Variants in RAB27A observed in about 807,000 individuals in gnomAD.
RAB27A encodes RAB27A, member RAS oncogene family.
In RAB27A, 17 loss-of-function variants were observed where a neutral mutation model predicts 20.8. The observed-to-expected ratio is 0.82, with a 90% CI of 0.56 to 1.23. The LOEUF (loss-of-function observed/expected upper bound fraction) is 1.23. Ranked by LOEUF, RAB27A falls within the 50% of genes most tolerant of loss-of-function variation. RAB27A has a pLI of 0.00. For synonymous variants in RAB27A, 85 were observed against 92.8 expected, an observed-to-expected ratio of 0.92 and a Z score of 0.48; for missense variants, 277 against 266.7, an observed-to-expected ratio of 1.04 and a Z score of -0.27.
Position 55,255,094 on chromosome 15 carries a change from G to A in RAB27A, c.-23+15071C>T, listed in dbSNP as rs189787352. ...CTTCACTTCTGACTGCCAGGGCTCA[G>A]GGCTGAGGTCCTATTGACTGCACAT... On this transcript the variant is annotated intron_variant, in intron 2 of 6. Coordinates refer to ENST00000336787, the MANE Select transcript of RAB27A (RefSeq NM_183235.3). Among the ~76,000 whole-genome samples, 151 of 152,298 alleles carry A rather than the reference G, an allele frequency of 9.9e-4. 1 individual carries two copies. Among genetic ancestry groups the A allele is most frequent in the African/African-American group, 3.5e-3 (146 of 41,562 alleles).
At chr15:55,212,178 T>A (rs1895060103) in intron 6 of RAB27A, among the ~76,000 whole-genome samples, 1 of 152,176 alleles carries the variant, frequency 6.6e-6, no homozygotes, top group Non-Finnish European at 1.5e-5. Context: ...TGTATTCAGG[T>A]ACACAATATT....
intron 2 of RAB27A, among the ~76,000 whole-genome samples, chr15:55,306,283 G>A (rs2054996599): frequency 1.3e-5 from 2 of 152,164 alleles, no homozygotes; most frequent in South Asian, 4.1e-4. Flanking sequence ...CAGGTACAGG[G>A]ATTGAAATGT....
chr15:55,261,130 C>T (rs377412317), intron 2 of RAB27A, among the ~76,000 whole-genome samples: 33 of 152,018 alleles, frequency 2.2e-4, no homozygotes, highest in African/African-American at 8.0e-4. Flanking sequence ...CATGGTGGCT[C>T]ATGGTGGCCT....
At chr15:55,227,130 C>T (rs1328258153) in intron 5 of RAB27A, among the ~76,000 whole-genome samples, 1 of 152,044 alleles carries the variant, frequency 6.6e-6, no homozygotes, top group Non-Finnish European at 1.5e-5. Flanking sequence ...CTTTTACTCT[C>T]TAAGGAAAAC....
chr15:55,267,168 G>C (rs1177396684), intron 2 of RAB27A, among the ~76,000 whole-genome samples: 1 of 152,146 alleles, frequency 6.6e-6, no homozygotes, highest in Non-Finnish European at 1.5e-5. Flanking sequence ...TTCACTGTTT[G>C]CTGGATGAAT....
chr15:55,304,482 GAAAA>G (rs71437808), intron 2 of RAB27A, among the ~76,000 whole-genome samples: 46 of 148,852 alleles, frequency 3.1e-4, no homozygotes, highest in Non-Finnish European at 5.1e-4. Flanking sequence ...TTAAAAAAAA[GAAAA>G]AAAAAAGTCA....
chr15:55,205,181 C>A lies in RAB27A; in HGVS notation c.*326G>T. The A allele has an allele frequency of 2.7e-6, 1 of 370,900 alleles. No individual in the cohort carries two copies. The highest frequency in any genetic ancestry group is 2.4e-5 in the South Asian group (1 of 41,904). The allele number at this position is 370,900 out of a possible 1,614,324, so 23.0% of individuals were successfully genotyped here. ...CCTACATTAAGGCAGGTGACAGTAC[C>A]CTCATTCATTCTACATAATAAATAC... On this transcript the variant is annotated 3_prime_UTR_variant, in exon 7 of 7. Transcript: ENST00000336787.
intron 2 of RAB27A, among the ~76,000 whole-genome samples, chr15:55,241,655 T>C (rs1216339051): frequency 1.4e-5 from 2 of 140,128 alleles, no homozygotes; most frequent in Admixed American, 1.4e-4. Flanking sequence ...TTTTTTTTTA[T>C]AAATTAGGCA....
Position 55,287,209 on chromosome 15 carries a change from C to T in RAB27A, c.-143+2507G>A, listed in dbSNP as rs146216383. On this transcript the variant is annotated intron_variant, in intron 1 of 6. Coordinates refer to ENST00000336787, the MANE Select transcript of RAB27A (RefSeq NM_183235.3). ...TGCTGCGATTACAGGCGTGAGCCAC[C>T]GCACCCGGCCTGCTGAGGAATTTAA... is the stretch of plus-strand genomic sequence containing the variant. 2.1e-3 allele frequency among the ~76,000 whole-genome samples: 316 copies of T among 151,298 alleles called. 2 individuals are homozygous for T. Among genetic ancestry groups the T allele is most frequent in the African/African-American group, 7.4e-3 (309 of 41,482 alleles).
intron 2 of RAB27A, among the ~76,000 whole-genome samples, chr15:55,306,914 G>A (rs8024917): frequency 0.016 from 2,403 of 152,232 alleles, 76 homozygotes; most frequent in African/African-American, 0.056. Context: ...CTTTCCTCAC[G>A]GTTGTTGCTT....
intron 1 of RAB27A, among the ~76,000 whole-genome samples, chr15:55,285,894 A>G (rs1444030874): frequency 1.3e-5 from 2 of 152,364 alleles, no homozygotes; most frequent in East Asian, 3.9e-4. Context: ...TTTGCCCAGG[A>G]TATAGACAGA....
At chr15:55,212,067 A>T (rs894354100) in intron 6 of RAB27A, among the ~76,000 whole-genome samples, 2 of 149,412 alleles carry the variant, frequency 1.3e-5, no homozygotes, top group African/African-American at 5.0e-5. Flanking sequence ...GCTGATATAT[A>T]TGAGTCATTT....
rs1894514329 is a variant in RAB27A, at chr15:55,203,833, A to G, written c.*1674T>C. Reference sequence around the variant, plus strand: ...AAAGAAGCCTTCATTTCAAGGATAGAAATATGTAAAATTTTACCAACCATG... The same window carrying G: ...AAAGAAGCCTTCATTTCAAGGATAGGAATATGTAAAATTTTACCAACCATG... On this transcript the variant is annotated 3_prime_UTR_variant, in exon 7 of 7. Transcript: ENST00000336787. 6.6e-6 allele frequency: 1 copy of G among 152,070 alleles called. No homozygotes were observed. The highest frequency in any genetic ancestry group is 2.4e-5 in the African/African-American group (1 of 41,418). The allele number at this position is 152,070 out of a possible 1,614,324, so 9.4% of individuals were successfully genotyped here. A position where few individuals can be genotyped will look rare whatever the true frequency, so the allele number is the denominator to read the frequency against.
chr15:55,282,269 C>T (rs1898036490), intron 1 of RAB27A, among the ~76,000 whole-genome samples: 1 of 152,186 alleles, frequency 6.6e-6, no homozygotes, highest in South Asian at 2.1e-4. Flanking sequence ...AAAAAGAACA[C>T]ACCAGGAAAC....
intron 1 of RAB27A, among the ~76,000 whole-genome samples, chr15:55,315,342 T>G (rs977865591): frequency 6.6e-6 from 1 of 152,106 alleles, no homozygotes; most frequent in African/African-American, 2.4e-5. Flanking sequence ...ATTCAGGACA[T>G]AGGCACGGGC....
chr15:55,258,750 C>G (rs1370471603), intron 2 of RAB27A, among the ~76,000 whole-genome samples: 5 of 152,186 alleles, frequency 3.3e-5, no homozygotes, highest in Non-Finnish European at 7.3e-5. Flanking sequence ...TGAGTGTGAG[C>G]ATCTTTTATT....
intron 6 of RAB27A, among the ~76,000 whole-genome samples, chr15:55,213,105 T>C (rs1051511749): frequency 2.0e-5 from 3 of 152,234 alleles, no homozygotes; most frequent in Admixed American, 6.5e-5. Flanking sequence ...TGCCACCACT[T>C]GTGAGGAATC....
At chr15:55,287,899 A>G (rs1249922218) in intron 1 of RAB27A, among the ~76,000 whole-genome samples, 1 of 152,236 alleles carries the variant, frequency 6.6e-6, no homozygotes, top group African/African-American at 2.4e-5. Flanking sequence ...CTGAGGACAG[A>G]CATACAGATC....
chr15:55,211,966 T>TC, intron 6 of RAB27A, among the ~76,000 whole-genome samples: 1 of 151,940 alleles, frequency 6.6e-6, no homozygotes, highest in East Asian at 1.9e-4. Flanking sequence ...ACCTTTTTTT[T>TC]TTTTTTTTTT....
Sources: allele counts gnomAD v4.1 joint callset (sites outside exome capture counted in the v4.1 genomes callset), GRCh38; gene constraint gnomAD v4.1.1; transcripts MANE v1.5; gene names NCBI Gene and HGNC (gene_info 2026-07-23, HGNC 2026-07-21).